ATG7: variants seen among roughly 807,000 people sequenced by gnomAD.
ATG7 encodes the protein autophagy related 7.
In ATG7, 70 loss-of-function variants were observed where a neutral mutation model predicts 82.4. That is an observed-to-expected ratio of 0.85 (90% CI 0.70 to 1.04). The LOEUF (loss-of-function observed/expected upper bound fraction) is 1.04. Among genes scored for constraint, ATG7 ranks in the 50% least tolerant of loss-of-function variants. The pLI is 0.00. For synonymous variants in ATG7, 287 were observed against 313.0 expected, an observed-to-expected ratio of 0.92 and a Z score of 0.88; for missense variants, 792 against 864.3, an observed-to-expected ratio of 0.92 and a Z score of 1.05.
intron 20 of ATG7, among the ~76,000 whole-genome samples, chr3:11,465,173 T>C (rs1252179428): frequency 6.6e-6 from 1 of 151,866 alleles, no homozygotes; most frequent in Admixed American, 6.6e-5. Context: ...AAAATGAGCC[T>C]GGGCCGGGCA....
intron 20 of ATG7, among the ~76,000 whole-genome samples, chr3:11,544,021 G>A (rs931932175): frequency 1.3e-5 from 2 of 152,206 alleles, no homozygotes; most frequent in Admixed American, 6.5e-5. Context: ...TCCCTGCTTT[G>A]TGCAGTCTGC....
intron 14 of ATG7, among the ~76,000 whole-genome samples, chr3:11,358,181 C>T (rs2076054594): frequency 6.6e-6 from 1 of 152,000 alleles, no homozygotes; most frequent in Admixed American, 6.6e-5. Flanking sequence ...AACTGAGATC[C>T]GTATGTCTCT....
chr3:11,441,427 A>G (rs1345371238), intron 20 of ATG7, among the ~76,000 whole-genome samples: 1 of 151,960 alleles, frequency 6.6e-6, no homozygotes, highest in East Asian at 1.9e-4. Context: ...TATTTTTAGT[A>G]GAGACAAGGT....
intron 20 of ATG7, among the ~76,000 whole-genome samples, chr3:11,540,828 TAAGAA>T (rs1256131777): frequency 6.6e-6 from 1 of 150,746 alleles, no homozygotes; most frequent in Non-Finnish European, 1.5e-5. Flanking sequence ...TTTAGTGTCC[TAAGAA>T]ATCTTTGCCT....
chr3:11,462,425 G>T (rs1363988517), intron 20 of ATG7, among the ~76,000 whole-genome samples: 1 of 152,194 alleles, frequency 6.6e-6, no homozygotes, highest in Non-Finnish European at 1.5e-5. Flanking sequence ...CAGTCAGGAG[G>T]CAGAAGACAG....
intron 19 of ATG7, among the ~76,000 whole-genome samples, chr3:11,387,978 C>T (rs895824597): frequency 1.3e-5 from 2 of 152,084 alleles, no homozygotes; most frequent in Non-Finnish European, 2.9e-5. Context: ...TGCAAAGCCA[C>T]ACAGTTTTAC....
At position 11,308,884 on chromosome 3, in the gene ATG7, G is replaced by A. The variant is rs534143688; in HGVS notation, c.334-100G>A. ...GGGGTAAGTGGTGCTGGGCCTGTAG[G>A]AAAGAAGAGCCTGGTGCTTTTCAGC... On this transcript the variant is annotated intron_variant, in intron 6 of 20. Transcript: ENST00000693202. The A allele has an allele frequency of 2.7e-6, 3 of 1,115,680 alleles. No individual in the cohort carries two copies. In the South Asian group the frequency reaches 3.8e-5, roughly 14 times the overall value. 69.1% of individuals were successfully genotyped at this position (1,115,680 alleles called of 1,614,324 possible). A position where few individuals can be genotyped will look rare whatever the true frequency, so the allele number is the denominator to read the frequency against.
intron 11 of ATG7, among the ~76,000 whole-genome samples, chr3:11,337,476 C>T (rs1190929830): frequency 6.8e-6 from 1 of 147,524 alleles, no homozygotes. Context: ...CTAGCTCTCT[C>T]TCTCTCTCTC....
At chr3:11,332,872 A>G in intron 10 of ATG7, 100 bp from the exon 11 acceptor site, 1 of 1,223,576 alleles carries the variant, frequency 8.2e-7, no homozygotes, top group South Asian at 2.5e-5. Flanking sequence ...AATGCATTGA[A>G]TTCTCTCCAA....
intron 20 of ATG7, among the ~76,000 whole-genome samples, chr3:11,553,723 A>G (rs769895265): frequency 4.6e-5 from 7 of 152,106 alleles, no homozygotes; most frequent in Non-Finnish European, 8.8e-5. Flanking sequence ...CTCGGGAGAC[A>G]GGGGCAGTGA....
the ATG7 span, chr3:11,565,037 G>C: frequency 1.4e-6 from 2 of 1,467,862 alleles, no homozygotes; most frequent in Non-Finnish European, 9.0e-7. The surrounding 1 kb of genome is among the most constrained non-coding windows in gnomAD (Gnocchi z 4.1). Flanking sequence ...AGAGGAATGG[G>C]CATTCAGGGG....
At chr3:11,291,889 A>T (rs1945033936) in intron 3 of ATG7, among the ~76,000 whole-genome samples, 1 of 152,252 alleles carries the variant, frequency 6.6e-6, no homozygotes, top group South Asian at 2.1e-4. Context: ...TCAGGAAACT[A>T]GCAGGCTAAG....
chr3:11,474,074 CTTACCAAGTGTGT>C (rs1414003959), intron 20 of ATG7, among the ~76,000 whole-genome samples: 1 of 106,928 alleles, frequency 9.4e-6, no homozygotes, highest in Non-Finnish European at 2.4e-5. Context: ...TCAGTTCAGA[CTTACCAAGTGTGT>C]AGTAAGCCAA....
intron 5 of ATG7, among the ~76,000 whole-genome samples, chr3:11,305,786 T>C (rs1947622443): frequency 6.6e-6 from 1 of 152,222 alleles, no homozygotes; most frequent in Admixed American, 6.5e-5. Flanking sequence ...GACAGAGCCA[T>C]GTCATTCATT....
rs557146123 is a variant in ATG7, at chr3:11,422,840, C to T, written c.1957-3964C>T. On this transcript the variant is annotated intron_variant, in intron 19 of 20. Transcript: ENST00000693202. ...CGCAATCTCAGCTCACTGCAACGTC[C>T]GCCTCCTGGGTTTAAGTGATTCTCT... 1.6e-4 allele frequency among the ~76,000 whole-genome samples: 23 copies of T among 145,358 alleles called. No individual in the cohort carries two copies. In the South Asian group the frequency reaches 4.0e-3, roughly 25 times the overall value.
intron 20 of ATG7, among the ~76,000 whole-genome samples, chr3:11,471,747 T>TTTCTTTC (rs1553685522): frequency 8.1e-6 from 1 of 122,872 alleles, no homozygotes; most frequent in East Asian, 2.7e-4. Flanking sequence ...TTAGATTTCT[T>TTTCTTTC]TTTTTTTTTT....
chr3:11,452,252 G>T (rs1021523646), intron 20 of ATG7, among the ~76,000 whole-genome samples: 1 of 151,732 alleles, frequency 6.6e-6, no homozygotes, highest in Non-Finnish European at 1.5e-5. Context: ...GGGCATGGTG[G>T]CACATGCCTG....
chr3:11,521,557 GTT>G (rs58493047), intron 20 of ATG7, among the ~76,000 whole-genome samples: 42 of 143,630 alleles, frequency 2.9e-4, no homozygotes, highest in East Asian at 6.2e-4. Context: ...GGGTTTTTTT[GTT>G]TTTTTTTTTT....
intron 20 of ATG7, among the ~76,000 whole-genome samples, chr3:11,479,206 A>G (rs2088637734): frequency 6.6e-6 from 1 of 152,194 alleles, no homozygotes; most frequent in Non-Finnish European, 1.5e-5. Context: ...CATAGTAAAT[A>G]AAACAGTGAT....
Sources: gnomAD v4.1 joint callset for allele counts (sites outside exome capture counted in the v4.1 genomes callset) on GRCh38, gnomAD v4.1.1 for gene constraint, Gnocchi (gnomAD v3.1) non-coding constraint, MANE v1.5 for transcripts, NCBI Gene and HGNC (gene_info 2026-07-23, HGNC 2026-07-21) for gene names.